Variants in ULK2 observed in about 807,000 individuals in gnomAD.
ULK2 encodes unc-51 like autophagy activating kinase 2.
A neutral mutation model predicts 127.5 loss-of-function variants in ULK2; 76 were observed. That is an observed-to-expected ratio of 0.60 (90% CI 0.50 to 0.72). The LOEUF (loss-of-function observed/expected upper bound fraction) is 0.72, where lower values mean the gene tolerates loss of function less well. Among genes scored for constraint, ULK2 ranks in the 30% least tolerant of loss-of-function variants. The pLI, the probability that ULK2 is intolerant of heterozygous loss-of-function variation, is 0.00. For missense variants in ULK2, 1,144 were observed against 1,295.9 expected (o/e 0.88, Z 1.80); for synonymous variants, 452 against 461.9 (o/e 0.98, Z 0.28).
At chr17:19,789,817 G>A (rs1441477991) in intron 20 of ULK2, among the ~76,000 whole-genome samples, 1 of 149,484 alleles carries the variant, frequency 6.7e-6, no homozygotes, top group Non-Finnish European at 1.5e-5. Flanking sequence ...AAGAATTAGT[G>A]AGCTTTGAAA....
chr17:19,827,856 G>A (rs1212509494), intron 10 of ULK2, among the ~76,000 whole-genome samples: 2 of 151,780 alleles, frequency 1.3e-5, no homozygotes, highest in African/African-American at 4.8e-5. Context: ...GTTGCGGTGA[G>A]CCGAGAACCT....
At chr17:19,831,549 G>GCC (rs1250156759) in intron 10 of ULK2, among the ~76,000 whole-genome samples, 7 of 152,182 alleles carry the variant, frequency 4.6e-5, no homozygotes, top group African/African-American at 1.7e-4. Context: ...ATAAGGCCAG[G>GCC]TGCCGTGCCC....
In ULK2 at chr17:19,772,526, C is replaced by T. The variant is rs1045332809; in HGVS notation, c.*3823G>A. ...GATGCATGTAACAATACCAAGTTCT[C>T]TGAGCAGTAGCTACTGCCTGCCAAA... On this transcript the variant is annotated 3_prime_UTR_variant, in exon 27 of 27. Transcript: ENST00000395544. The T allele has an allele frequency of 1.3e-5, 2 of 152,226 alleles. No individual in the cohort carries two copies. Among genetic ancestry groups the T allele is most frequent in the Non-Finnish European group, 2.9e-5 (2 of 68,048 alleles). The allele number at this position is 152,226 out of a possible 1,614,324, so 9.4% of individuals were successfully genotyped here. A position where few individuals can be genotyped will look rare whatever the true frequency, so the allele number is the denominator to read the frequency against.
At chr17:19,795,893 G>A (rs541954591) in intron 19 of ULK2, among the ~76,000 whole-genome samples, 168 bp from the exon 20 acceptor site, 96 of 152,168 alleles carry the variant, frequency 6.3e-4, no homozygotes, top group Admixed American at 1.0e-3. Context: ...TATTCAAAAA[G>A]TTCAGGAAGA....
At chr17:19,826,485 C>G (rs922472040) in intron 10 of ULK2, among the ~76,000 whole-genome samples, 1 of 152,292 alleles carries the variant, frequency 6.6e-6, no homozygotes, top group East Asian at 1.9e-4. Context: ...TGTTCTCTAA[C>G]GTATGCCACC....
intron 10 of ULK2, among the ~76,000 whole-genome samples, chr17:19,832,584 T>C (rs1191210812): frequency 6.6e-6 from 1 of 152,078 alleles, no homozygotes; most frequent in Non-Finnish European, 1.5e-5. Context: ...TTTTAGTGCA[T>C]TCCCCAAGCC....
In ULK2 at chr17:19,843,203, G is replaced by A. The variant is rs770965002; in HGVS notation, c.563C>T (p.Ser188Phe). Residue 188 changes from serine (S) to phenylalanine (F), a missense_variant, in exon 8 of 27, where the codon TCT becomes TTT. This residue lies in a region of ULK2 where 231 missense variants were observed against 325.4 expected (regional missense o/e 0.71). Coordinates refer to ENST00000395544, the MANE Select transcript of ULK2 (RefSeq NM_014683.4). Reference sequence around the variant, plus strand: ...GTCAGCCTTAGCATCATAATGTTGAGACATAATAACCTCAGGAGCCTGGGA... The same window carrying A: ...GTCAGCCTTAGCATCATAATGTTGAAACATAATAACCTCAGGAGCCTGGGA... ...PMYMAPEVIM[S>F]QHYDAKADLW... 1.3e-6 allele frequency: 2 copies of A among 1,583,246 alleles called. No homozygotes were observed. Among genetic ancestry groups the A allele is most frequent in the Admixed American group, 3.9e-5 (2 of 50,748 alleles).
intron 20 of ULK2, among the ~76,000 whole-genome samples, chr17:19,794,926 A>C (rs1360297801): frequency 6.6e-6 from 1 of 152,028 alleles, no homozygotes; most frequent in Non-Finnish European, 1.5e-5. Flanking sequence ...AAAATACAAA[A>C]AAATTAGCCA....
chr17:19,862,174 G>A (rs2042256594), intron 3 of ULK2, among the ~76,000 whole-genome samples: 1 of 150,768 alleles, frequency 6.6e-6, no homozygotes, highest in African/African-American at 2.4e-5. Flanking sequence ...TCAGCTCACT[G>A]CAACCTCCGC....
rs931584492 is a variant in ULK2, at chr17:19,773,819, C to T, written c.*2530G>A. On this transcript the variant is annotated 3_prime_UTR_variant, in exon 27 of 27. Coordinates refer to ENST00000395544, the MANE Select transcript of ULK2 (RefSeq NM_014683.4). ...ATGTCCGCTGTATCCAACTCAATTT[C>T]CTCTTAATTACTGTGGAGACTGAGG... is the stretch of plus-strand genomic sequence containing the variant. 7 of 152,124 alleles carry T rather than the reference C, an allele frequency of 4.6e-5. No homozygotes were observed. Among genetic ancestry groups the T allele is most frequent in the Non-Finnish European group, 1.0e-4 (7 of 68,044 alleles). 9.4% of individuals were successfully genotyped at this position (152,124 alleles called of 1,614,324 possible). A position where few individuals can be genotyped will look rare whatever the true frequency, so the allele number is the denominator to read the frequency against.
chr17:19,783,550 A>G (rs1265036366), intron 22 of ULK2, 147 bp downstream of exon 22: 1 of 755,954 alleles, frequency 1.3e-6, no homozygotes. Context: ...TAATTTAAAA[A>G]GACATCAGCA....
In ULK2 at chr17:19,825,779, G is replaced by A. The variant is rs554245943; in HGVS notation, c.835+360C>T. On this transcript the variant is annotated intron_variant, in intron 11 of 26. Coordinates refer to ENST00000395544, the MANE Select transcript of ULK2 (RefSeq NM_014683.4). ...AGGCGGGTGGATCACCTGAGGTCCG[G>A]AGTTCGAGACCAGCCTGACCAACAT... 7.3e-5 allele frequency among the ~76,000 whole-genome samples: 11 copies of A among 151,394 alleles called. 1 individual carries two copies. The East Asian group carries it at 2.2e-3, about 30-fold the overall frequency.
At chr17:19,831,082 A>C (rs1391487594) in intron 10 of ULK2, among the ~76,000 whole-genome samples, 1 of 151,456 alleles carries the variant, frequency 6.6e-6, no homozygotes, top group Non-Finnish European at 1.5e-5. Context: ...AAAGAGGTTT[A>C]ATTTAGTTCT....
chr17:19,818,674 T>C (rs1193399853), intron 12 of ULK2, among the ~76,000 whole-genome samples: 1 of 152,114 alleles, frequency 6.6e-6, no homozygotes, highest in East Asian at 1.9e-4. Flanking sequence ...TCCTGACATT[T>C]TCATCCTCTC....
rs1299478460 is a variant in ULK2 at position 19,773,677 on chromosome 17, T to C, written c.*2672A>G. 6.6e-6 allele frequency: 1 copy of C among 152,222 alleles called. No individual in the cohort carries two copies. The highest frequency in any genetic ancestry group is 2.4e-5 in the African/African-American group (1 of 41,444). The allele number at this position is 152,222 out of a possible 1,614,324, so 9.4% of individuals were successfully genotyped here. The stretch of plus-strand genomic sequence containing the variant: ...CTGGAGGGAGGGATGGATGCTATCC[T>C]TCTCTGGACTGAAGCAGTTACAGGA... On this transcript the variant is annotated 3_prime_UTR_variant, in exon 27 of 27. Transcript: ENST00000395544.
intron 3 of ULK2, among the ~76,000 whole-genome samples, chr17:19,861,722 C>G (rs1023348835): frequency 4.6e-5 from 7 of 152,314 alleles, no homozygotes; most frequent in South Asian, 4.1e-4. Context: ...GAGACTAAGA[C>G]AAACTACACA....
chr17:19,797,374 C>A (rs770823319), intron 18 of ULK2, 22 bp downstream of exon 18: 2 of 1,599,340 alleles, frequency 1.3e-6, no homozygotes, highest in Non-Finnish European at 1.7e-6. Flanking sequence ...TCCTGACCTA[C>A]AAAAGGGTTT....
chr17:19,859,660 C>T (rs1238772136), intron 3 of ULK2, among the ~76,000 whole-genome samples: 2 of 152,138 alleles, frequency 1.3e-5, no homozygotes, highest in Non-Finnish European at 2.9e-5. Context: ...ATAGGAAACA[C>T]TCCAAATAGC....
At chr17:19,837,372 G>C (rs1399464235) in intron 10 of ULK2, among the ~76,000 whole-genome samples, 2 of 151,932 alleles carry the variant, frequency 1.3e-5, no homozygotes, top group African/African-American at 2.4e-5. Context: ...AGTGAGCCAT[G>C]ATAGTACCAC....
Sources: allele counts gnomAD v4.1 joint callset (sites outside exome capture counted in the v4.1 genomes callset), GRCh38; gene constraint gnomAD v4.1.1; regional missense constraint gnomAD v4.1.1; transcripts MANE v1.5; gene names NCBI Gene and HGNC (gene_info 2026-07-23, HGNC 2026-07-21).